The following YEATS2 variants were observed in gnomAD, a reference collection of about 807,000 sequenced individuals.
YEATS2 encodes the protein YEATS domain-containing protein 2.
Under a neutral mutation model 163.2 loss-of-function variants are expected in YEATS2, and 77 were observed. That is an observed-to-expected ratio of 0.47 (90% confidence interval 0.39 to 0.57). YEATS2 has a LOEUF of 0.57. Ranked by LOEUF, YEATS2 falls within the 20% of genes least tolerant of loss-of-function variation. The pLI is 0.00. For missense variants in YEATS2, 1,549 were observed against 1,729.8 expected, an observed-to-expected ratio of 0.90 and a Z score of 1.85; for synonymous variants, 631 against 645.1, an observed-to-expected ratio of 0.98 and a Z score of 0.33.
intron 1 of YEATS2, among the ~76,000 whole-genome samples, chr3:183,698,194 G>C (rs1196271478): frequency 6.6e-6 from 1 of 152,178 alleles, no homozygotes; most frequent in Non-Finnish European, 1.5e-5. Context: ...GCAGAAGCGG[G>C]AGCCTGGAAT....
At chr3:183,789,702 A>ATT (rs397878062) in intron 20 of YEATS2, among the ~76,000 whole-genome samples, 6,356 of 142,402 alleles carry the variant, frequency 0.045, 190 homozygotes, top group Middle Eastern at 0.074. Flanking sequence ...CGCCCAGCTA[A>ATT]TTTTTTTTTT....
chr3:183,745,654 A>G (rs940796550), intron 8 of YEATS2, among the ~76,000 whole-genome samples: 1 of 152,188 alleles, frequency 6.6e-6, no homozygotes, highest in Middle Eastern at 3.2e-3. Flanking sequence ...TTAGAGTTAC[A>G]TAAAATTTAA....
chr3:183,794,076 G>T (rs1724922383), intron 21 of YEATS2, among the ~76,000 whole-genome samples: 1 of 152,202 alleles, frequency 6.6e-6, no homozygotes, highest in African/African-American at 2.4e-5. Context: ...GAGCACGCAG[G>T]GGCTGTGTGG....
intron 1 of YEATS2, among the ~76,000 whole-genome samples, chr3:183,710,825 T>A (rs1335674624): frequency 1.3e-5 from 2 of 152,188 alleles, no homozygotes; most frequent in Non-Finnish European, 2.9e-5. Context: ...ATATACAGAT[T>A]ATGAAGTCTG....
At chr3:183,778,755 C>T (rs1028352784) in intron 19 of YEATS2, among the ~76,000 whole-genome samples, 1 of 152,060 alleles carries the variant, frequency 6.6e-6, no homozygotes, top group Non-Finnish European at 1.5e-5. Flanking sequence ...GAAGTGGAAG[C>T]TTTTCCTTTC....
At chr3:183,809,688 CGTT>C (rs1321136670) in intron 30 of YEATS2, among the ~76,000 whole-genome samples, 5 of 152,144 alleles carry the variant, frequency 3.3e-5, no homozygotes, top group African/African-American at 7.2e-5. Flanking sequence ...TTTGCTGACT[CGTT>C]GTCTTTGATT....
At chr3:183,781,397 G>A (rs1017684022) in intron 19 of YEATS2, among the ~76,000 whole-genome samples, 1 of 152,156 alleles carries the variant, frequency 6.6e-6, no homozygotes, top group Non-Finnish European at 1.5e-5. Context: ...CCCATTGTCC[G>A]CCTTTTTGTT....
At chr3:183,789,525 A>ATTTTTTTTTTTTTTTTTTTTTTTTTTT (rs143473253) in intron 20 of YEATS2, among the ~76,000 whole-genome samples, 1 of 66,314 alleles carries the variant, frequency 1.5e-5, no homozygotes, top group African/African-American at 6.9e-5. Flanking sequence ...ATTCGAGTTA[A>ATTTTTTTTTTTTTTTTTTTTTTTTTTT]TTTTTTTTTT....
chr3:183,802,509 G>GTGTGTGTGTGTGTGTA (rs1364263826), intron 25 of YEATS2: 2 of 66,858 alleles, frequency 3.0e-5, no homozygotes, highest in African/African-American at 8.8e-5. Flanking sequence ...GTGTGTGTGT[G>GTGTGTGTGTGTGTGTA]TATACATGTA....
intron 12 of YEATS2, among the ~76,000 whole-genome samples, chr3:183,757,835 T>G (rs754478537): frequency 6.6e-6 from 1 of 151,816 alleles, no homozygotes; most frequent in Non-Finnish European, 1.5e-5. Flanking sequence ...CCCTTAAAAA[T>G]TACTGTGTTC....
intron 30 of YEATS2, among the ~76,000 whole-genome samples, chr3:183,809,668 G>A (rs1363683466): frequency 1.3e-5 from 2 of 152,132 alleles, no homozygotes; most frequent in Non-Finnish European, 2.9e-5. Flanking sequence ...CCCTGGGCTC[G>A]CCACTGCTCT....
rs768702461 is a variant in YEATS2 at position 183,777,570 on chromosome 3, C to T, written c.2606C>T (p.Pro869Leu). The change falls in exon 19 of 31, where the codon CCC becomes CTC. Residue 869 changes from proline (P) to leucine (L), a missense_variant. Coordinates refer to ENST00000305135, the MANE Select transcript of YEATS2 (RefSeq NM_018023.5). The stretch of plus-strand genomic sequence containing the variant: ...ACATTTTTAGTTGGCCAGCCATCAC[C>T]CCAGACTTCTGGAAAACAACTCACC... ...QGTFLVGQPS[P>L]QTSGKQLTTG... 6.2e-7 allele frequency: 1 copy of T among 1,613,972 alleles called. No homozygotes were observed. Among genetic ancestry groups the T allele is most frequent in the South Asian group, 1.1e-5 (1 of 91,052 alleles).
intron 4 of YEATS2, among the ~76,000 whole-genome samples, chr3:183,720,989 T>C (rs148022970): frequency 0.017 from 2,562 of 152,338 alleles, 38 homozygotes; most frequent in South Asian, 0.026. Context: ...GAGGACTTCA[T>C]TGACTTCACC....
chr3:183,707,274 C>T (rs1402837847), intron 1 of YEATS2, among the ~76,000 whole-genome samples: 1 of 152,186 alleles, frequency 6.6e-6, no homozygotes, highest in Non-Finnish European at 1.5e-5. Context: ...TCATTTCTTT[C>T]ACTATAGATT....
At chr3:183,809,280 A>T (rs1726552464) in intron 30 of YEATS2, 110 bp downstream of exon 30, 5 of 1,092,118 alleles carry the variant, frequency 4.6e-6, no homozygotes, top group Non-Finnish European at 7.0e-6. Context: ...AGATGGAGTG[A>T]GTGCTTAGGA....
chr3:183,775,944 G>A lies in YEATS2; in HGVS notation c.2398G>A (p.Gly800Arg), dbSNP rs1424267135. 21 of 1,605,712 alleles carry A rather than the reference G, an allele frequency of 1.3e-5. No homozygotes were observed. Among genetic ancestry groups the A allele is most frequent in the Non-Finnish European group, 1.7e-5 (20 of 1,178,088 alleles). The change falls in exon 18 of 31, where the codon GGG becomes AGG. Residue 800 changes from glycine to arginine, a missense_variant. By Grantham distance (125) the Gly-to-Arg change is moderately radical. Coordinates refer to ENST00000305135, the MANE Select transcript of YEATS2 (RefSeq NM_018023.5). ...NLQSGSAASG[G>R]SGAGGGGGGG... ...CCAGTCTGGCTCAGCTGCCAGTGGT[G>A]GGAGTGGTGCCGGAGGAGGAGGAGG... is the stretch of plus-strand genomic sequence containing the variant.
intron 15 of YEATS2, among the ~76,000 whole-genome samples, chr3:183,765,077 A>G (rs772538215): frequency 3.3e-5 from 5 of 152,188 alleles, no homozygotes; most frequent in Non-Finnish European, 7.3e-5. Context: ...TCGTAGCCAG[A>G]ATGACTAAGA....
At chr3:183,786,835 C>T (rs1724113099) in intron 20 of YEATS2, among the ~76,000 whole-genome samples, 1 of 152,112 alleles carries the variant, frequency 6.6e-6, no homozygotes, top group Admixed American at 6.6e-5. Context: ...GGATTATTTT[C>T]TACTTTTTGA....
At chr3:183,757,360 G>A (rs1560278712) in intron 12 of YEATS2, among the ~76,000 whole-genome samples, 1 of 151,852 alleles carries the variant, frequency 6.6e-6, no homozygotes. Context: ...GCGTGATCTC[G>A]GCTCACTGCA....
Sources: allele counts gnomAD v4.1 joint callset (sites outside exome capture counted in the v4.1 genomes callset), GRCh38; gene constraint gnomAD v4.1.1; transcripts MANE v1.5; gene names NCBI Gene and HGNC (gene_info 2026-07-23, HGNC 2026-07-21).